The following VSNL1 variants were observed in gnomAD, a reference collection of about 807,000 sequenced individuals.
The protein encoded by VSNL1 is visinin-like protein 1.
VSNL1 carries 6 observed loss-of-function variants against 20.4 expected under a neutral mutation model. The ratio of observed to expected loss-of-function variants is 0.29; its 90% confidence interval spans 0.16 to 0.58. The LOEUF (loss-of-function observed/expected upper bound fraction) is 0.58, where lower values mean the gene tolerates loss of function less well. Ranked by LOEUF, VSNL1 falls within the 20% of genes least tolerant of loss-of-function variation. The pLI, the probability that VSNL1 is intolerant of heterozygous loss-of-function variation, is 0.90. For missense variants in VSNL1, 100 were observed against 234.5 expected (o/e 0.43, Z 3.75); for synonymous variants, 93 against 86.4 (o/e 1.08, Z -0.42).
intron 2 of VSNL1, among the ~76,000 whole-genome samples, chr2:17,596,224 G>T (rs75808359): frequency 6.6e-6 from 1 of 152,164 alleles, no homozygotes; most frequent in African/African-American, 2.4e-5. Flanking sequence ...CCCTGGACAC[G>T]TAGGGATTTC....
intron 1 of VSNL1, among the ~76,000 whole-genome samples, chr2:17,560,193 A>AC (rs1663780429): frequency 4.2e-5 from 2 of 47,304 alleles, no homozygotes; most frequent in Non-Finnish European, 9.9e-5. Flanking sequence ...CAATAGGAAA[A>AC]CATCATATAT....
rs575919857 is a variant in VSNL1, at chr2:17,588,834, T to C, written c.-5-3236T>C. ...TGAATGCATTGACTCTCCTTATATA[T>C]AGATTATGAGACATTTTCTCAGAAA... On this transcript the variant is annotated intron_variant, in intron 1 of 3. Coordinates refer to ENST00000295156, the MANE Select transcript of VSNL1 (RefSeq NM_003385.5). Among the ~76,000 whole-genome samples the C allele has an allele frequency of 8.4e-4, 128 of 152,278 alleles. 1 individual carries two copies. The highest frequency in any genetic ancestry group is 8.2e-3 in the Admixed American group (125 of 15,288).
Position 17,589,385 on chromosome 2 carries a change from C to T in VSNL1, c.-5-2685C>T, listed in dbSNP as rs79872238. Reference sequence around the variant, plus strand: ...GTACAGAGGCTTTTAGAGAGTAGATCAATGAGGTTTGTATTCTGGAAATTC... The same window carrying T: ...GTACAGAGGCTTTTAGAGAGTAGATTAATGAGGTTTGTATTCTGGAAATTC... On this transcript the variant is annotated intron_variant, in intron 1 of 3. Transcript: ENST00000295156. Among the ~76,000 whole-genome samples the T allele has an allele frequency of 9.9e-5, 15 of 152,264 alleles. No individual in the cohort carries two copies. In the East Asian group the frequency reaches 2.9e-3, roughly 29 times the overall value.
intron 1 of VSNL1, among the ~76,000 whole-genome samples, chr2:17,578,676 A>G (rs1572343794): frequency 6.6e-6 from 1 of 152,232 alleles, no homozygotes; most frequent in South Asian, 2.1e-4. Context: ...CAACTTGCCA[A>G]GTCAAACACA....
At chr2:17,629,184 C>T (rs1017167237) in intron 2 of VSNL1, among the ~76,000 whole-genome samples, 2 of 152,202 alleles carry the variant, frequency 1.3e-5, no homozygotes, top group Admixed American at 6.5e-5. Context: ...TATAAGGTCC[C>T]TTAAGGCTCA....
chr2:17,647,710 G>A (rs762106752), intron 2 of VSNL1, among the ~76,000 whole-genome samples: 1 of 152,126 alleles, frequency 6.6e-6, no homozygotes, highest in Non-Finnish European at 1.5e-5. Flanking sequence ...CATTTACTGA[G>A]CTTTAGTAAT....
chr2:17,602,248 T>C (rs985669655), intron 2 of VSNL1, among the ~76,000 whole-genome samples: 6 of 152,226 alleles, frequency 3.9e-5, no homozygotes, highest in Non-Finnish European at 7.3e-5. Flanking sequence ...GAAGGATTCC[T>C]GGGCCATTGA....
intron 1 of VSNL1, among the ~76,000 whole-genome samples, chr2:17,569,847 G>A (rs1020233437): frequency 1.2e-4 from 18 of 152,076 alleles, no homozygotes; most frequent in Non-Finnish European, 2.2e-4. Context: ...GACCATTTTA[G>A]AATTTGTAAT....
chr2:17,580,676 G>T (rs905691489), intron 1 of VSNL1, among the ~76,000 whole-genome samples: 1 of 152,190 alleles, frequency 6.6e-6, no homozygotes, highest in African/African-American at 2.4e-5. Context: ...AACAAACCCT[G>T]GAGGCAGTTT....
rs149141369 is a variant in VSNL1, at chr2:17,592,361, T to C, written c.162+125T>C. On this transcript the variant is annotated intron_variant, in intron 2 of 3. Transcript: ENST00000295156. ...TTGTTTCAACTCTGGCTGTTTTCCA[T>C]CCAGAAAGAAAAATTAACATTTAAA... 7.8e-4 allele frequency: 811 copies of C among 1,034,596 alleles called. 6 individuals are homozygous for C. The African/African-American group carries it at 1.0e-2, about 13-fold the overall frequency. The allele number at this position is 1,034,596 out of a possible 1,614,324, so 64.1% of individuals were successfully genotyped here. A position where few individuals can be genotyped will look rare whatever the true frequency, so the allele number is the denominator to read the frequency against.
At chr2:17,551,896 T>TAA (rs34475496) in intron 1 of VSNL1, among the ~76,000 whole-genome samples, 1,383 of 116,716 alleles carry the variant, frequency 0.012, 15 homozygotes, top group South Asian at 0.025. Flanking sequence ...GCAATTTTGT[T>TAA]AAAAAAAAAA....
chr2:17,566,257 T>A (rs1416550060), intron 1 of VSNL1, among the ~76,000 whole-genome samples: 3 of 152,300 alleles, frequency 2.0e-5, no homozygotes, highest in African/African-American at 7.2e-5. Context: ...ATATGTGAGA[T>A]ATATAGTGAA....
intron 1 of VSNL1, among the ~76,000 whole-genome samples, chr2:17,560,360 A>T (rs1663785103): frequency 6.6e-6 from 1 of 152,128 alleles, no homozygotes; most frequent in African/African-American, 2.4e-5. Flanking sequence ...TTGCATTACC[A>T]GGTGCCAGAA....
intron 1 of VSNL1, among the ~76,000 whole-genome samples, chr2:17,587,383 A>ACACG (rs2103371607): frequency 6.6e-6 from 1 of 151,630 alleles, no homozygotes; most frequent in Non-Finnish European, 1.5e-5. Flanking sequence ...ACACACACAC[A>ACACG]CACACACACA....
chr2:17,608,654 A>G (rs1007087597), intron 2 of VSNL1, among the ~76,000 whole-genome samples: 2 of 152,198 alleles, frequency 1.3e-5, no homozygotes, highest in South Asian at 2.1e-4. Context: ...TGGAGCACCT[A>G]TCTCAATACA....
At position 17,655,628 on chromosome 2, in the gene VSNL1, G is replaced by GTGAT; in HGVS notation, c.*235_*238dup. On this transcript the variant is annotated 3_prime_UTR_variant, in exon 4 of 4. Transcript: ENST00000295156. The surrounding 1 kb of genome is among the most constrained non-coding windows in gnomAD (Gnocchi z 5.2). ...AACAAAACAAACAACCTGCCACAAT[G>GTGAT]TGATATGTGTAATATCATTTCATAA... The GTGAT allele has an allele frequency of 2.1e-6, 1 of 484,494 alleles. No individual in the cohort carries two copies. The highest frequency in any genetic ancestry group is 3.7e-6 in the Non-Finnish European group (1 of 268,618). The allele number at this position is 484,494 out of a possible 1,614,324, so 30.0% of individuals were successfully genotyped here.
At chr2:17,588,966 C>T (rs1664536555) in intron 1 of VSNL1, among the ~76,000 whole-genome samples, 1 of 152,116 alleles carries the variant, frequency 6.6e-6, no homozygotes, top group African/African-American at 2.4e-5. Flanking sequence ...AATAATAGTC[C>T]TCTCTCTCAA....
chr2:17,644,090 G>C (rs1023716564), intron 2 of VSNL1, among the ~76,000 whole-genome samples: 1 of 152,216 alleles, frequency 6.6e-6, no homozygotes, highest in Admixed American at 6.5e-5. Flanking sequence ...ACGATGGATG[G>C]AAGGGCCTCA....
chr2:17,653,202 C>T (rs536940471), intron 3 of VSNL1, among the ~76,000 whole-genome samples: 2 of 152,234 alleles, frequency 1.3e-5, no homozygotes, highest in African/African-American at 2.4e-5. Flanking sequence ...TCTTGGTTGT[C>T]GTGTTCACAG....
Sources: allele counts gnomAD v4.1 joint callset (sites outside exome capture counted in the v4.1 genomes callset), GRCh38; gene constraint gnomAD v4.1.1; non-coding constraint Gnocchi (gnomAD v3.1); transcripts MANE v1.5; gene names NCBI Gene and HGNC (gene_info 2026-07-23, HGNC 2026-07-21).